DIAPH3: variants seen among roughly 807,000 people sequenced by gnomAD.
The protein encoded by DIAPH3 is diaphanous related formin 3.
Under a neutral mutation model 144.3 loss-of-function variants are expected in DIAPH3, and 117 were observed. That is an observed-to-expected ratio of 0.81 (90% CI 0.70 to 0.95). DIAPH3 has a LOEUF of 0.95. Ranked by LOEUF, DIAPH3 falls within the 40% of genes least tolerant of loss-of-function variation. DIAPH3 has a pLI of 0.00. For missense variants in DIAPH3, 1,421 were observed against 1,412.7 expected (o/e 1.01, Z -0.09); for synonymous variants, 519 against 488.9 (o/e 1.06, Z -0.81).
chr13:59,988,219 C>T (rs542102942), intron 12 of DIAPH3, among the ~76,000 whole-genome samples: 1 of 151,874 alleles, frequency 6.6e-6, no homozygotes, highest in South Asian at 2.1e-4. Flanking sequence ...TCTATGCTTG[C>T]CTCTATTTGT....
At chr13:59,734,694 T>C (rs1353817025) in intron 27 of DIAPH3, among the ~76,000 whole-genome samples, 3 of 152,216 alleles carry the variant, frequency 2.0e-5, no homozygotes, top group Non-Finnish European at 2.9e-5. Context: ...ACCCAGTCCC[T>C]GCCTTCTCTT....
At chr13:59,794,207 A>T (rs2039467703) in intron 25 of DIAPH3, among the ~76,000 whole-genome samples, 1 of 152,160 alleles carries the variant, frequency 6.6e-6, no homozygotes, top group Non-Finnish European at 1.5e-5. Context: ...CTTTGACTTA[A>T]AATATTTCCA....
intron 4 of DIAPH3, among the ~76,000 whole-genome samples, chr13:60,057,649 G>A (rs984924514): frequency 6.6e-6 from 1 of 151,690 alleles, no homozygotes; most frequent in African/African-American, 2.4e-5. Context: ...CCAATTATAC[G>A]ACAGGGATAT....
chr13:60,121,874 C>G (rs1333646338), intron 2 of DIAPH3, among the ~76,000 whole-genome samples: 1 of 152,104 alleles, frequency 6.6e-6, no homozygotes, highest in Non-Finnish European at 1.5e-5. Context: ...AGCATGTGGA[C>G]TACACCTCCT....
chr13:59,784,249 T>C (rs768369888), intron 25 of DIAPH3, among the ~76,000 whole-genome samples: 32 of 151,466 alleles, frequency 2.1e-4, no homozygotes, highest in Non-Finnish European at 4.4e-4. Flanking sequence ...CACCAGCTAA[T>C]TTTTTGTATT....
At chr13:60,051,546 G>C (rs2056345302) in intron 4 of DIAPH3, among the ~76,000 whole-genome samples, 3 of 152,036 alleles carry the variant, frequency 2.0e-5, no homozygotes. Context: ...CTTGAACCTG[G>C]GAAGCAGAGG....
In DIAPH3 at chr13:59,820,769, GTGTTATAATAGTATTAAATACTATTTAA is replaced by G. The variant is rs557783319; in HGVS notation, c.3028-9874_3028-9847del. ...AAATGATAGCATTAAATACTATTTA[GTGTTATAATAGTATTAAATACTATTTAA>G]TGTTATAATAGTATTAAATACTATT... On this transcript the variant is annotated intron_variant, in intron 24 of 27. Transcript: ENST00000400324. Among the ~76,000 whole-genome samples the G allele has an allele frequency of 3.2e-3, 488 of 150,332 alleles. 2 individuals carry two copies. Among genetic ancestry groups the G allele is most frequent in the African/African-American group, 9.8e-3 (404 of 41,082 alleles).
chr13:59,732,934 C>G (rs1038711180), intron 27 of DIAPH3, among the ~76,000 whole-genome samples: 1 of 152,124 alleles, frequency 6.6e-6, no homozygotes, highest in Admixed American at 6.5e-5. Flanking sequence ...AAATAGAATA[C>G]ATCACCTGTA....
chr13:60,071,160 G>C (rs1324934602), intron 4 of DIAPH3, among the ~76,000 whole-genome samples: 1 of 152,096 alleles, frequency 6.6e-6, no homozygotes, highest in Non-Finnish European at 1.5e-5. Flanking sequence ...CTTAACCTCA[G>C]AGTCATTATT....
At chr13:59,991,959 T>A in intron 11 of DIAPH3, 109 bp downstream of exon 11, 1 of 872,022 alleles carries the variant, frequency 1.1e-6, no homozygotes, top group Non-Finnish European at 1.9e-6. Flanking sequence ...CATGAAGGTT[T>A]GATTTCATGT....
At chr13:60,162,883 A>C (rs1952368686) in intron 1 of DIAPH3, among the ~76,000 whole-genome samples, 1 of 151,000 alleles carries the variant, frequency 6.6e-6, no homozygotes, top group African/African-American at 2.4e-5. Context: ...TGGAGTGGTC[A>C]ATGTGAAATT....
intron 24 of DIAPH3, among the ~76,000 whole-genome samples, chr13:59,828,897 T>G (rs1200689588): frequency 6.6e-6 from 1 of 151,734 alleles, no homozygotes; most frequent in Admixed American, 6.6e-5. Flanking sequence ...TAATTCCCAG[T>G]TGAGAATTCT....
chr13:59,700,247 TC>T (rs1350101358), intron 27 of DIAPH3, among the ~76,000 whole-genome samples: 5 of 152,130 alleles, frequency 3.3e-5, no homozygotes, highest in Non-Finnish European at 5.9e-5. Context: ...ATTGCCCCCT[TC>T]CCTTTTATCC....
At chr13:59,793,967 A>T (rs2039452430) in intron 25 of DIAPH3, among the ~76,000 whole-genome samples, 1 of 152,180 alleles carries the variant, frequency 6.6e-6, no homozygotes, top group Non-Finnish European at 1.5e-5. Flanking sequence ...CAATTTTTTG[A>T]CTTTACAATC....
At chr13:60,118,359 A>T (rs2058750384) in intron 2 of DIAPH3, among the ~76,000 whole-genome samples, 2 of 152,228 alleles carry the variant, frequency 1.3e-5, no homozygotes, top group Admixed American at 1.3e-4. Context: ...TTTAAAATGA[A>T]AGGAAAATAT....
At position 59,991,177 on chromosome 13, in the gene DIAPH3, G is replaced by A. The variant is rs750355652; in HGVS notation, c.1342C>T (p.Arg448Ter). 2.9e-5 allele frequency: 46 copies of A among 1,601,698 alleles called. No individual in the cohort carries two copies. The highest frequency in any genetic ancestry group is 4.0e-5 in the African/African-American group (3 of 74,652). Residue 448 changes from arginine to a stop codon, truncating the protein, a stop_gained, in exon 12 of 28, where the codon CGA (arginine) becomes TGA (stop). Coordinates refer to ENST00000400324, the MANE Select transcript of DIAPH3 (RefSeq NM_001042517.2). LOFTEE classifies it high-confidence loss of function. Reference sequence around the variant, plus strand: ...TCTTACCTTATAAAATAATCATTTCGAATCAGCAAAAGATGCTGAAGAATA... The same window carrying A: ...TCTTACCTTATAAAATAATCATTTCAAATCAGCAAAAGATGCTGAAGAATA... Reference protein sequence around the residue: ...ISILQHLLLIRNDYFIRQQYF... With the variant: ...ISILQHLLLI
intron 25 of DIAPH3, among the ~76,000 whole-genome samples, chr13:59,802,661 A>ATTG (rs200597459): frequency 7.6e-5 from 2 of 26,150 alleles, no homozygotes; most frequent in Admixed American, 7.3e-4. Flanking sequence ...TATTATTATT[A>ATTG]TTATTATTTT....
chr13:59,692,622 A>G (rs2033591508), intron 27 of DIAPH3, among the ~76,000 whole-genome samples: 1 of 152,072 alleles, frequency 6.6e-6, no homozygotes, highest in South Asian at 2.1e-4. Context: ...TGGTCAAAAG[A>G]TATGCCTCAA....
chr13:59,757,117 A>T (rs7336785), intron 27 of DIAPH3, among the ~76,000 whole-genome samples: 4,937 of 152,252 alleles, frequency 0.032, 289 homozygotes, highest in African/African-American at 0.11. Flanking sequence ...CAAAACAATA[A>T]GACACCATTT....
Sources: allele counts gnomAD v4.1 joint callset (sites outside exome capture counted in the v4.1 genomes callset), GRCh38; gene constraint gnomAD v4.1.1; transcripts MANE v1.5; gene names NCBI Gene and HGNC (gene_info 2026-07-23, HGNC 2026-07-21).